Variants in ODAD2 observed in about 807,000 individuals in gnomAD.
ODAD2 encodes outer dynein arm docking complex subunit 2, also known as outer dynein arm-docking complex subunit 2.
A neutral mutation model predicts 106.8 loss-of-function variants in ODAD2; 89 were observed. The ratio of observed to expected loss-of-function variants is 0.83; its 90% CI spans 0.70 to 0.99. The LOEUF (loss-of-function observed/expected upper bound fraction) is 0.99. Ranked by LOEUF, ODAD2 falls within the 50% of genes least tolerant of loss-of-function variation. The probability of loss-of-function intolerance (pLI) is 0.00; values close to 1 mark genes in which losing one functional copy is unlikely to be tolerated. For synonymous variants in ODAD2, 404 were observed against 436.2 expected, an observed-to-expected ratio of 0.93 and a Z score of 0.92; for missense variants, 1,168 against 1,238.5, an observed-to-expected ratio of 0.94 and a Z score of 0.85.
At chr10:27,958,978 G>C in intron 10 of ODAD2, 1 of 1,303,572 alleles carries the variant, frequency 7.7e-7, no homozygotes, top group Non-Finnish European at 1.0e-6. Flanking sequence ...TTTTGCTAAT[G>C]AAATAAAGAT....
chr10:27,945,052 C>T, intron 10 of ODAD2, 90 bp from the exon 11 acceptor site: 1 of 1,479,992 alleles, frequency 6.8e-7, no homozygotes, highest in Non-Finnish European at 9.3e-7. Context: ...AACTGGAAAA[C>T]ATGTCTCTGA....
chr10:27,989,749 G>C (rs1850106241), intron 2 of ODAD2, among the ~76,000 whole-genome samples: 1 of 152,202 alleles, frequency 6.6e-6, no homozygotes, highest in African/African-American at 2.4e-5. Flanking sequence ...TTGGGAGGCT[G>C]AGGTGGGAGG....
rs11451204 is a variant in ODAD2 at position 27,948,779 on chromosome 10, A to ATTTTTTTT, written c.1387-3825_1387-3818dup. ...ATCTCCAGGCTCTGTTGGCCTTTGG[A>ATTTTTTTT]TTTTTTTTTTTTTTTTTTTTTTTTG... On this transcript the variant is annotated intron_variant, in intron 10 of 19. Coordinates refer to ENST00000305242, the MANE Select transcript of ODAD2 (RefSeq NM_018076.5). 7.2e-4 allele frequency among the ~76,000 whole-genome samples: 29 copies of ATTTTTTTT among 40,310 alleles called. 1 individual carries two copies. Among genetic ancestry groups the ATTTTTTTT allele is most frequent in the East Asian group, 8.4e-4 (1 of 1,184 alleles). The allele number at this position is 40,310 out of a possible 152,430, so 26.4% of individuals were successfully genotyped here. A position where few individuals can be genotyped will look rare whatever the true frequency, so the allele number is the denominator to read the frequency against.
chr10:27,832,728 A>G (rs1837579816), intron 19 of ODAD2, among the ~76,000 whole-genome samples: 1 of 152,184 alleles, frequency 6.6e-6, no homozygotes, highest in African/African-American at 2.4e-5. Flanking sequence ...CACATATGGC[A>G]AAAGGACTTA....
At chr10:27,987,774 T>C (rs1588667566) in intron 2 of ODAD2, among the ~76,000 whole-genome samples, 2 of 141,134 alleles carry the variant, frequency 1.4e-5, no homozygotes, top group African/African-American at 5.2e-5. Context: ...CAAGGAAGAA[T>C]TTTTTTTTTT....
intron 19 of ODAD2, among the ~76,000 whole-genome samples, chr10:27,813,062 G>A (rs908522577): frequency 1.3e-5 from 2 of 152,162 alleles, no homozygotes; most frequent in African/African-American, 4.8e-5. Context: ...GGGACTCTCA[G>A]TGCCAACTAA....
At chr10:27,877,355 G>T (rs914026075) in intron 17 of ODAD2, among the ~76,000 whole-genome samples, 44 of 152,236 alleles carry the variant, frequency 2.9e-4, no homozygotes, top group African/African-American at 1.0e-3. Flanking sequence ...TTCCTAAGGT[G>T]CATGGTATGA....
chr10:27,995,242 A>G lies in ODAD2; in HGVS notation c.-38-62T>C, dbSNP rs112387674. 4 of 1,492,644 alleles carry G rather than the reference A, an allele frequency of 2.7e-6. No homozygotes were observed. In the East Asian group the frequency reaches 7.1e-5, roughly 27 times the overall value. The allele number at this position is 1,492,644 out of a possible 1,614,324, so 92.5% of individuals were successfully genotyped here. On this transcript the variant is annotated intron_variant, in intron 1 of 19. Transcript: ENST00000305242. Reference sequence around the variant, plus strand: ...CCACCTTTTCCTTGGAACATTTTTCATTCTCAAGACTTTAAACTAGTACTC... The same window carrying G: ...CCACCTTTTCCTTGGAACATTTTTCGTTCTCAAGACTTTAAACTAGTACTC...
chr10:27,943,463 AATAT>A (rs1338348917), intron 12 of ODAD2, among the ~76,000 whole-genome samples: 2 of 152,040 alleles, frequency 1.3e-5, no homozygotes, highest in African/African-American at 4.8e-5. Flanking sequence ...TACAATATTA[AATAT>A]TATACATTTT....
intron 7 of ODAD2, among the ~76,000 whole-genome samples, chr10:27,973,745 A>T (rs1162365968): frequency 2.0e-5 from 3 of 152,138 alleles, no homozygotes; most frequent in Non-Finnish European, 4.4e-5. Context: ...TGCAATGAAC[A>T]TATGTGTGCA....
At chr10:27,967,167 T>A (rs891832929) in intron 9 of ODAD2, among the ~76,000 whole-genome samples, 75 of 151,876 alleles carry the variant, frequency 4.9e-4, no homozygotes, top group Non-Finnish European at 7.2e-4. Context: ...AGACCACACA[T>A]AACAGCGTGG....
At chr10:27,888,816 T>C (rs559560035) in intron 17 of ODAD2, among the ~76,000 whole-genome samples, 3 of 152,306 alleles carry the variant, frequency 2.0e-5, no homozygotes, top group African/African-American at 7.2e-5. Flanking sequence ...GGAAAGTCTT[T>C]TCAAAAATGT....
intron 2 of ODAD2, 45 bp downstream of exon 2, chr10:27,994,874 T>C: frequency 2.5e-6 from 4 of 1,600,808 alleles, no homozygotes; most frequent in Non-Finnish European, 3.4e-6. Flanking sequence ...GATAATACTA[T>C]GTACAACGAA....
At chr10:27,952,756 T>C (rs1847448254) in intron 10 of ODAD2, among the ~76,000 whole-genome samples, 1 of 152,192 alleles carries the variant, frequency 6.6e-6, no homozygotes, top group African/African-American at 2.4e-5. Context: ...GTTTAACAGC[T>C]CTGGCTAATT....
chr10:27,979,101 T>C (rs1424452728), intron 7 of ODAD2, among the ~76,000 whole-genome samples: 1 of 151,562 alleles, frequency 6.6e-6, no homozygotes, highest in Non-Finnish European at 1.5e-5. Context: ...TCCCAGCTAC[T>C]CGGGAGCTTG....
At chr10:27,941,915 T>G (rs1466156329) in intron 12 of ODAD2, among the ~76,000 whole-genome samples, 1 of 152,232 alleles carries the variant, frequency 6.6e-6, no homozygotes, top group East Asian at 1.9e-4. Context: ...CAATCCCAAT[T>G]CCAAGTTCCT....
chr10:27,822,057 A>G (rs1020665606), intron 19 of ODAD2, among the ~76,000 whole-genome samples: 1 of 152,186 alleles, frequency 6.6e-6, no homozygotes, highest in African/African-American at 2.4e-5. Flanking sequence ...GACAGGCACA[A>G]GGACTGGTTT....
In ODAD2 at chr10:27,940,646, GA is replaced by G. The variant is rs772789970; in HGVS notation, c.1902del (p.Pro635LeufsTer7). 6.2e-7 allele frequency: 1 copy of G among 1,614,080 alleles called. No individual in the cohort carries two copies. The highest frequency in any genetic ancestry group is 8.5e-7 in the Non-Finnish European group (1 of 1,179,998). ...GTCTTCAGCAGCCGAGCCAACAGAG[GA>G]ATGCCCCCAGCTTTGCGGATGGCTT... ...NKEAIRKAGG[I>X]PLLARLLKTS... On this transcript the variant is annotated frameshift_variant, in exon 13 of 20. Transcript: ENST00000305242. LOFTEE classifies it high-confidence loss of function.
rs192449422 is a variant in ODAD2 at position 27,907,114 on chromosome 10, G to A, written c.2610+549C>T. 1.9e-3 allele frequency among the ~76,000 whole-genome samples: 284 copies of A among 152,298 alleles called. 1 individual carries two copies. Among genetic ancestry groups the A allele is most frequent in the African/African-American group, 6.3e-3 (260 of 41,578 alleles). The stretch of plus-strand genomic sequence containing the variant: ...AATGTTAAGAGAAATAGGCTCAAAA[G>A]TGATCTTCAAAGAAAATAACAAAAT... On this transcript the variant is annotated intron_variant, in intron 17 of 19. Coordinates refer to ENST00000305242, the MANE Select transcript of ODAD2 (RefSeq NM_018076.5).
Sources: gnomAD v4.1 joint callset for allele counts (sites outside exome capture counted in the v4.1 genomes callset) on GRCh38, gnomAD v4.1.1 for gene constraint, MANE v1.5 for transcripts, NCBI Gene and HGNC (gene_info 2026-07-23, HGNC 2026-07-21) for gene names.